The following PAFAH1B1 variants were observed in gnomAD, a reference collection of about 807,000 sequenced individuals.
PAFAH1B1 encodes the protein platelet-activating factor acetylhydrolase IB subunit beta.
Under a neutral mutation model 57.5 loss-of-function variants are expected in PAFAH1B1, and 2 were observed. The ratio of observed to expected loss-of-function variants is 0.03; its 90% CI spans 0.01 to 0.11. The LOEUF (loss-of-function observed/expected upper bound fraction) is 0.11. Ranked by LOEUF, PAFAH1B1 falls within the 10% of genes least tolerant of loss-of-function variation. The pLI, the probability that PAFAH1B1 is intolerant of heterozygous loss-of-function variation, is 1.00. For missense variants in PAFAH1B1, 257 were observed against 512.0 expected, an observed-to-expected ratio of 0.50 and a Z score of 4.81; for synonymous variants, 152 against 169.6, an observed-to-expected ratio of 0.90 and a Z score of 0.81.
At chr17:2,642,157 A>AT (rs1194193351) in intron 2 of PAFAH1B1, 1 of 152,140 alleles carries the variant, frequency 6.6e-6, no homozygotes, top group African/African-American at 2.4e-5. Context: ...CATACCATTT[A>AT]TTTGTATCCC....
intron 9 of PAFAH1B1, among the ~76,000 whole-genome samples, chr17:2,678,400 CAAAA>C (rs11394999): frequency 1.2e-5 from 1 of 81,020 alleles, no homozygotes; most frequent in Non-Finnish European, 2.5e-5. Context: ...GAAACCATCT[CAAAA>C]AAAAAAAAAA....
chr17:2,615,444 T>A (rs2068326766), intron 1 of PAFAH1B1, among the ~76,000 whole-genome samples: 1 of 152,168 alleles, frequency 6.6e-6, no homozygotes, highest in Non-Finnish European at 1.5e-5. Context: ...GAAACTTTCT[T>A]TCTTTCTTTT....
At chr17:2,606,076 T>C (rs1490772657) in intron 1 of PAFAH1B1, among the ~76,000 whole-genome samples, 1 of 152,220 alleles carries the variant, frequency 6.6e-6, no homozygotes, top group Non-Finnish European at 1.5e-5. Flanking sequence ...ACGATTTTGT[T>C]AAGCTTCACC....
chr17:2,594,516 G>C (rs1231712070), intron 1 of PAFAH1B1, among the ~76,000 whole-genome samples: 1 of 152,014 alleles, frequency 6.6e-6, no homozygotes, highest in African/African-American at 2.4e-5. Flanking sequence ...CCGCGCCGCC[G>C]GGGCACTCAT....
intron 1 of PAFAH1B1, among the ~76,000 whole-genome samples, chr17:2,626,664 A>T (rs963523295): frequency 6.8e-6 from 1 of 146,212 alleles, no homozygotes; most frequent in African/African-American, 2.5e-5. Context: ...AAGCAATTCA[A>T]CTGCCTCAGC....
At chr17:2,645,266 C>G (rs1425390462) in intron 2 of PAFAH1B1, among the ~76,000 whole-genome samples, 1 of 151,920 alleles carries the variant, frequency 6.6e-6, no homozygotes, top group Non-Finnish European at 1.5e-5. Context: ...CAAAAGTGTT[C>G]TTCAAGCAAA....
intron 4 of PAFAH1B1, among the ~76,000 whole-genome samples, chr17:2,666,579 G>T (rs2069108731): frequency 1.3e-5 from 2 of 152,172 alleles, no homozygotes; most frequent in Admixed American, 1.3e-4. Flanking sequence ...TTAGCACATA[G>T]TAGATGCTCA....
intron 1 of PAFAH1B1, among the ~76,000 whole-genome samples, chr17:2,610,700 GTC>G (rs2068258315): frequency 6.6e-6 from 1 of 152,222 alleles, no homozygotes; most frequent in Non-Finnish European, 1.5e-5. Flanking sequence ...ATTCAAAGCT[GTC>G]CTGGGCCGTG....
intron 1 of PAFAH1B1, among the ~76,000 whole-genome samples, chr17:2,603,387 G>A (rs1214592041): frequency 2.0e-5 from 3 of 152,170 alleles, no homozygotes; most frequent in Non-Finnish European, 4.4e-5. Context: ...TGGGGAGGCC[G>A]AGGCAGGTGG....
chr17:2,671,120 T>G (rs1021410111), intron 6 of PAFAH1B1, among the ~76,000 whole-genome samples: 3 of 152,220 alleles, frequency 2.0e-5, no homozygotes, highest in Non-Finnish European at 4.4e-5. Context: ...ATTTGAAGGT[T>G]GTGTTTTCTC....
chr17:2,615,479 C>T (rs568684469), intron 1 of PAFAH1B1, among the ~76,000 whole-genome samples: 6 of 152,242 alleles, frequency 3.9e-5, no homozygotes, highest in South Asian at 4.1e-4. Context: ...CTCACTGTGT[C>T]GCCCAGCCTG....
At position 2,684,702 on chromosome 17, in the gene PAFAH1B1, CGTCT is replaced by C. The variant is rs2069446479; in HGVS notation, c.*2903_*2906del. 2 of 152,634 alleles carry C rather than the reference CGTCT, an allele frequency of 1.3e-5. No individual in the cohort carries two copies. Among genetic ancestry groups the C allele is most frequent in the African/African-American group, 4.8e-5 (2 of 41,438 alleles). The allele number at this position is 152,634 out of a possible 1,614,324, so 9.5% of individuals were successfully genotyped here. A position where few individuals can be genotyped will look rare whatever the true frequency, so the allele number is the denominator to read the frequency against. On this transcript the variant is annotated 3_prime_UTR_variant, in exon 11 of 11. Coordinates refer to ENST00000397195, the MANE Select transcript of PAFAH1B1 (RefSeq NM_000430.4). ...TTAGGAGACTAAGACCGTCCTGGTT[CGTCT>C]GTGTGTGGTGTGACCAATGGTGTGC... is the stretch of plus-strand genomic sequence containing the variant.
At chr17:2,598,053 C>T (rs2068103639) in intron 1 of PAFAH1B1, among the ~76,000 whole-genome samples, 1 of 151,916 alleles carries the variant, frequency 6.6e-6, no homozygotes, top group South Asian at 2.1e-4. Context: ...TCAAGACCAG[C>T]ATGGCCAACA....
chr17:2,597,085 A>G (rs1567520583), intron 1 of PAFAH1B1, among the ~76,000 whole-genome samples: 1 of 151,980 alleles, frequency 6.6e-6, no homozygotes, highest in Non-Finnish European at 1.5e-5. Flanking sequence ...AACCCCACAC[A>G]CTGAGTGGTG....
At chr17:2,613,780 G>A (rs1285971499) in intron 1 of PAFAH1B1, 1 of 309,008 alleles carries the variant, frequency 3.2e-6, no homozygotes, top group Admixed American at 4.6e-5. Flanking sequence ...GCCAGGTTCT[G>A]CTTCTGCAGG....
chr17:2,636,313 G>C (rs2068624358), intron 1 of PAFAH1B1, among the ~76,000 whole-genome samples: 1 of 152,180 alleles, frequency 6.6e-6, no homozygotes, highest in African/African-American at 2.4e-5. Context: ...CTCCAGGTCA[G>C]AAGAATCCTT....
chr17:2,632,338 C>G (rs1044869153), intron 1 of PAFAH1B1, among the ~76,000 whole-genome samples: 3 of 152,144 alleles, frequency 2.0e-5, no homozygotes, highest in African/African-American at 7.2e-5. Context: ...TCAAATTTTC[C>G]CAAGTTTGTT....
In PAFAH1B1 at chr17:2,666,142, T is replaced by C. The variant is rs186066980; in HGVS notation, c.192+52T>C. 108 of 1,307,516 alleles carry C rather than the reference T, an allele frequency of 8.3e-5. No individual in the cohort carries two copies. The East Asian group carries it at 2.6e-3, about 32-fold the overall frequency. The allele number at this position is 1,307,516 out of a possible 1,614,324, so 81.0% of individuals were successfully genotyped here. ...TAGTTGTATTCAGTTATATAAACTT[T>C]CTGAAAATAACATTCTTCTGCATTA... On this transcript the variant is annotated intron_variant, in intron 4 of 10. Coordinates refer to ENST00000397195, the MANE Select transcript of PAFAH1B1 (RefSeq NM_000430.4).
rs915915878 is a variant in PAFAH1B1, at chr17:2,685,270, C to T, written c.*3468C>T. 6.6e-6 allele frequency: 1 copy of T among 152,592 alleles called. No homozygotes were observed. Among genetic ancestry groups the T allele is most frequent in the Non-Finnish European group, 1.5e-5 (1 of 68,036 alleles). The allele number at this position is 152,592 out of a possible 1,614,324, so 9.5% of individuals were successfully genotyped here. On this transcript the variant is annotated 3_prime_UTR_variant, in exon 11 of 11. Transcript: ENST00000397195. The stretch of plus-strand genomic sequence containing the variant: ...GGAAGTAGCTGCTTGCTTGTACTGT[C>T]CATCCTTCAGGCATCCCTAAAGCTC...
Sources: allele counts gnomAD v4.1 joint callset (sites outside exome capture counted in the v4.1 genomes callset), GRCh38; gene constraint gnomAD v4.1.1; transcripts MANE v1.5; gene names NCBI Gene and HGNC (gene_info 2026-07-23, HGNC 2026-07-21).